DAB1: variants seen among roughly 807,000 people sequenced by gnomAD.
DAB1 encodes disabled homolog 1.
Under a neutral mutation model 64.6 loss-of-function variants are expected in DAB1, and 15 were observed. The observed-to-expected ratio is 0.23, with a 90% CI of 0.16 to 0.36. The LOEUF (loss-of-function observed/expected upper bound fraction) is 0.36. Among genes scored for constraint, DAB1 ranks in the 10% least tolerant of loss-of-function variants. The pLI is 1.00. For synonymous variants in DAB1, 235 were observed against 251.9 expected (o/e 0.93, Z 0.64); for missense variants, 596 against 706.7 (o/e 0.84, Z 1.78).
intron 1 of DAB1, among the ~76,000 whole-genome samples, chr1:57,308,390 AC>A (rs1337290953): frequency 6.6e-6 from 1 of 152,188 alleles, no homozygotes; most frequent in Non-Finnish European, 1.5e-5. Context: ...AGGGGGAAAC[AC>A]CCACAGAAAA....
chr1:57,685,949 C>T (rs1646692243), intron 6 of DAB1, among the ~76,000 whole-genome samples: 1 of 151,942 alleles, frequency 6.6e-6, no homozygotes, highest in African/African-American at 2.4e-5. Flanking sequence ...ATGCCTTCAT[C>T]AAGAAGTTAG....
intron 14 of DAB1, among the ~76,000 whole-genome samples, chr1:57,009,186 C>T (rs1646187609): frequency 6.6e-6 from 1 of 152,170 alleles, no homozygotes; most frequent in Non-Finnish European, 1.5e-5. Context: ...TTTTTCAAGG[C>T]AAGGTTGAGC....
At chr1:58,530,310 G>C (rs1646415302) in intron 1 of DAB1, among the ~76,000 whole-genome samples, 1 of 152,220 alleles carries the variant, frequency 6.6e-6, no homozygotes, top group Non-Finnish European at 1.5e-5. Flanking sequence ...GTCAGTGGCT[G>C]GGTTTTCTCT....
chr1:58,265,826 G>A (rs1329269692), intron 4 of DAB1, among the ~76,000 whole-genome samples: 2 of 152,212 alleles, frequency 1.3e-5, no homozygotes, highest in Non-Finnish European at 2.9e-5. Context: ...ACTGTTGAAG[G>A]ATAATAAAAA....
intron 1 of DAB1, among the ~76,000 whole-genome samples, chr1:57,331,054 T>C (rs1416221522): frequency 6.6e-6 from 1 of 152,186 alleles, no homozygotes; most frequent in East Asian, 1.9e-4. Flanking sequence ...TCTATACCAC[T>C]GCTGCCCCTT....
chr1:57,497,335 T>C (rs1479810357), intron 7 of DAB1, among the ~76,000 whole-genome samples: 1 of 152,252 alleles, frequency 6.6e-6, no homozygotes, highest in Non-Finnish European at 1.5e-5. Context: ...GTTTGTTTTG[T>C]TCATTGCTGT....
chr1:57,071,741 C>T (rs1395262892), intron 5 of DAB1, 100 bp from the exon 6 acceptor site: 1 of 1,149,884 alleles, frequency 8.7e-7, no homozygotes, highest in Non-Finnish European at 1.2e-6. Context: ...CTTCCTTTTT[C>T]TATTAATCTG....
rs185605121 is a variant in DAB1, at chr1:58,182,262, G to A, written n.310-31674C>T. 3.3e-3 allele frequency among the ~76,000 whole-genome samples: 505 copies of A among 151,930 alleles called. 2 individuals carry two copies. Among genetic ancestry groups the A allele is most frequent in the Non-Finnish European group, 6.1e-3 (415 of 67,882 alleles). ...GTTTGACTATGATATATCTAAATGT[G>A]ATTTGTGTGTGTGTGTGTTTATCCT... is the stretch of plus-strand genomic sequence containing the variant. On this transcript the variant is annotated intron_variant and non_coding_transcript_variant, in intron 4 of 20. Coordinates refer to the DAB1 transcript ENST00000485760.
chr1:57,760,033 C>T (rs189088907), intron 6 of DAB1, among the ~76,000 whole-genome samples: 5 of 151,984 alleles, frequency 3.3e-5, no homozygotes, highest in South Asian at 2.1e-4. Context: ...AGAAGAGGAA[C>T]GGAAGGAAGC....
chr1:57,160,297 C>T (rs895582554), intron 2 of DAB1, among the ~76,000 whole-genome samples: 2 of 152,158 alleles, frequency 1.3e-5, no homozygotes, highest in African/African-American at 4.8e-5. Flanking sequence ...TCCTCACAGC[C>T]ACCTAGCATG....
At chr1:58,084,735 G>C (rs1650198095) in intron 5 of DAB1, among the ~76,000 whole-genome samples, 1 of 151,548 alleles carries the variant, frequency 6.6e-6, no homozygotes, top group Non-Finnish European at 1.5e-5. Flanking sequence ...GTAAGATGGA[G>C]AAATGCCTAC....
At chr1:57,824,473 T>G (rs1241108022), downstream of DAB1, among the ~76,000 whole-genome samples, 1 of 152,072 alleles carries the variant, frequency 6.6e-6, no homozygotes, top group Non-Finnish European at 1.5e-5. Context: ...TTTCTCTAAA[T>G]AGGTAACATG....
chr1:57,493,562 C>T (rs1272275353), intron 7 of DAB1, among the ~76,000 whole-genome samples: 2 of 152,058 alleles, frequency 1.3e-5, no homozygotes, highest in South Asian at 2.1e-4. Context: ...TTGCTTCCAC[C>T]GTTGGGCTAC....
intron 4 of DAB1, among the ~76,000 whole-genome samples, chr1:58,197,135 G>C (rs1189665863): frequency 6.6e-6 from 1 of 152,150 alleles, no homozygotes; most frequent in East Asian, 1.9e-4. Context: ...CTGGGTCCCT[G>C]AATTATAACG....
At chr1:57,919,847 CA>C in intron 5 of DAB1, among the ~76,000 whole-genome samples, 1 of 152,238 alleles carries the variant, frequency 6.6e-6, no homozygotes. Context: ...ATGGATTTTA[CA>C]AAGTAGTTCT....
At chr1:58,487,766 T>A (rs1048411850) in intron 3 of DAB1, among the ~76,000 whole-genome samples, 16 of 152,278 alleles carry the variant, frequency 1.1e-4, no homozygotes, top group African/African-American at 2.9e-4. Context: ...CCTAGCTGCA[T>A]CCACTCTAGC....
At chr1:57,411,283 G>A (rs577345611) in intron 1 of DAB1, among the ~76,000 whole-genome samples, 1 of 152,220 alleles carries the variant, frequency 6.6e-6, no homozygotes, top group Non-Finnish European at 1.5e-5. Context: ...TGGTTTGGGT[G>A]CAGAGACCTG....
intron 6 of DAB1, among the ~76,000 whole-genome samples, chr1:57,751,833 T>TAAA: frequency 6.7e-6 from 1 of 148,524 alleles, no homozygotes; most frequent in African/African-American, 2.6e-5. Context: ...TATTCTTTAC[T>TAAA]TAATAAATAA....
chr1:57,978,455 T>C (rs183865969), intron 5 of DAB1, among the ~76,000 whole-genome samples: 334 of 152,042 alleles, frequency 2.2e-3, no homozygotes, highest in Non-Finnish European at 3.9e-3. Context: ...CCCAGAACCA[T>C]AAAAATCCTA....
Sources: allele counts gnomAD v4.1 joint callset (sites outside exome capture counted in the v4.1 genomes callset), GRCh38; gene constraint gnomAD v4.1.1; transcripts MANE v1.5; gene names NCBI Gene and HGNC (gene_info 2026-07-23, HGNC 2026-07-21).